MAX: variants seen among roughly 807,000 people sequenced by gnomAD.
The protein encoded by MAX is MYC associated transcriptional regulator X, also known as protein max.
Under a neutral mutation model 22.3 loss-of-function variants are expected in MAX, and 3 were observed. The observed-to-expected ratio is 0.13, with a 90% CI of 0.06 to 0.35. The LOEUF (loss-of-function observed/expected upper bound fraction) is 0.35. MAX is among the 10% of genes least tolerant of loss of function. The pLI is 1.00. For missense variants in MAX, 119 were observed against 209.4 expected, an observed-to-expected ratio of 0.57 and a Z score of 2.66; for synonymous variants, 72 against 77.7, an observed-to-expected ratio of 0.93 and a Z score of 0.39.
In MAX at chr14:65,027,924, CAGA is replaced by C; in HGVS notation, c.172-21643_172-21641del. On this transcript the variant is annotated intron_variant, in intron 3 of 3. Transcript: ENST00000341653. This position sits in a 1 kb window ranked among gnomAD's most constrained non-coding sequence, Gnocchi z 5.7. ...ATGGGATGACATGTCAGTGACACGTCAGAATCATTCAGATGTGATGCAGATGTC... is the reference window on the plus strand; with the variant it reads ...ATGGGATGACATGTCAGTGACACGTCATCATTCAGATGTGATGCAGATGTC... The C allele has an allele frequency of 5.0e-6, 5 of 1,003,436 alleles. No homozygotes were observed. Among genetic ancestry groups the C allele is most frequent in the Non-Finnish European group, 7.4e-6 (5 of 675,794 alleles). 62.2% of individuals were successfully genotyped at this position (1,003,436 alleles called of 1,614,324 possible).
At chr14:65,061,384 T>C in intron 3 of MAX, 2 of 1,596,486 alleles carry the variant, frequency 1.3e-6, no homozygotes, top group Non-Finnish European at 1.7e-6. Context: ...TTTCAATACA[T>C]ACTGCATTCT....
chr14:65,075,079 C>T (rs1459478090), downstream of MAX: 2 of 1,011,956 alleles, frequency 2.0e-6, no homozygotes, highest in Non-Finnish European at 2.4e-6. This position sits in a 1 kb window ranked among gnomAD's most constrained non-coding sequence, Gnocchi z 4.1. Context: ...AGGGGTCTCT[C>T]ATCAACCACC....
chr14:65,018,850 C>G (rs1395017312), intron 3 of MAX, among the ~76,000 whole-genome samples: 1 of 150,358 alleles, frequency 6.7e-6, no homozygotes, highest in Non-Finnish European at 1.5e-5. Context: ...GTGGCTCACA[C>G]CTGTAATCCC....
rs867817924 is a variant in MAX, at chr14:65,093,137, T to C, written c.171+571A>G. Reference sequence around the variant, plus strand: ...GAAGGGAGTGGGGAAGAATGGTTATTTTTTTTCTGTTTCACATGAACATGT... The same window carrying C: ...GAAGGGAGTGGGGAAGAATGGTTATCTTTTTTCTGTTTCACATGAACATGT... On this transcript the variant is annotated intron_variant, in intron 3 of 4. Coordinates refer to ENST00000358664, the MANE Select transcript of MAX (RefSeq NM_002382.5). The surrounding 1 kb of genome is among the most constrained non-coding windows in gnomAD (Gnocchi z 4.4). Among the ~76,000 whole-genome samples the C allele has an allele frequency of 7.7e-4, 117 of 152,340 alleles. No individual in the cohort carries two copies. Among genetic ancestry groups the C allele is most frequent in the African/African-American group, 2.7e-3 (114 of 41,576 alleles).
intron 3 of MAX, among the ~76,000 whole-genome samples, chr14:65,037,402 CCT>C (rs1468252356): frequency 0.016 from 235 of 14,536 alleles, 115 homozygotes; most frequent in South Asian, 0.03. Context: ...CACGCCGGGC[CCT>C]TTTTTTTTTT....
intron 3 of MAX, among the ~76,000 whole-genome samples, chr14:65,087,440 G>A (rs1272215114): frequency 2.0e-5 from 3 of 152,222 alleles, no homozygotes; most frequent in African/African-American, 7.2e-5. Context: ...AAGCCACAAG[G>A]GTAGAGCTAT....
rs746552214 is a variant in MAX, at chr14:65,079,178, T to G, written c.172-1142A>C. Among the ~76,000 whole-genome samples the G allele has an allele frequency of 2.0e-5, 3 of 152,216 alleles. No homozygotes were observed. The highest frequency in any genetic ancestry group is 4.4e-5 in the Non-Finnish European group (3 of 68,040). On this transcript the variant is annotated intron_variant, in intron 3 of 4. Coordinates refer to ENST00000358664, the MANE Select transcript of MAX (RefSeq NM_002382.5). The surrounding 1 kb of genome is among the most constrained non-coding windows in gnomAD (Gnocchi z 4.5). ...AATGTGTTTCATCAAGACCCAAGATTCCAGCCAAACTCTGAAACCACTGTT... is the reference window on the plus strand; with the variant it reads ...AATGTGTTTCATCAAGACCCAAGATGCCAGCCAAACTCTGAAACCACTGTT...
rs191859617 is a variant in MAX, at chr14:65,084,977, G to C, written c.172-6941C>G. ...TTTAGTCACATTAAATGGGGCAGGG[G>C]GGGTACGGAGAGTCTATTTTTGGAT... On this transcript the variant is annotated intron_variant, in intron 3 of 4. Transcript: ENST00000358664. This position sits in a 1 kb window ranked among gnomAD's most constrained non-coding sequence, Gnocchi z 4.3. Among the ~76,000 whole-genome samples, 4 of 152,096 alleles carry C rather than the reference G, an allele frequency of 2.6e-5. No homozygotes were observed. Among genetic ancestry groups the C allele is most frequent in the Non-Finnish European group, 4.4e-5 (3 of 68,026 alleles).
intron 3 of MAX, chr14:65,083,924 AC>A (rs1047876625): frequency 1.5e-6 from 2 of 1,315,342 alleles, no homozygotes; most frequent in African/African-American, 3.0e-5. Context: ...AAGAATATGC[AC>A]AATAAATTTG....
intron 3 of MAX, among the ~76,000 whole-genome samples, chr14:65,065,097 A>G (rs575505500): frequency 6.6e-6 from 1 of 151,716 alleles, no homozygotes; most frequent in South Asian, 2.1e-4. Flanking sequence ...CATGTGACCT[A>G]AAATAGTCTA....
intron 3 of MAX, among the ~76,000 whole-genome samples, chr14:65,066,992 A>G (rs928590115): frequency 8.6e-5 from 13 of 151,292 alleles, no homozygotes; most frequent in African/African-American, 2.9e-4. Flanking sequence ...CCTGAGCGAC[A>G]TAGCCACACT....
intron 3 of MAX, among the ~76,000 whole-genome samples, chr14:65,034,005 T>C (rs1459380181): frequency 6.6e-6 from 1 of 152,256 alleles, no homozygotes; most frequent in Non-Finnish European, 1.5e-5. Flanking sequence ...TACCAGATGA[T>C]ATGCTGAGAT....
chr14:65,032,518 C>G lies in MAX; in HGVS notation c.172-26234G>C. ...GAGGACAGGAGGTGATTACAGCTTA[C>G]TAGGCAAGGCGAGCAGTCCGCCCGC... On this transcript the variant is annotated intron_variant, in intron 3 of 3. Transcript: ENST00000341653. This position sits in a 1 kb window ranked among gnomAD's most constrained non-coding sequence, Gnocchi z 5.0. 7 of 1,412,116 alleles carry G rather than the reference C, an allele frequency of 5.0e-6. No homozygotes were observed. The highest frequency in any genetic ancestry group is 6.7e-6 in the Non-Finnish European group (7 of 1,042,330). The allele number at this position is 1,412,116 out of a possible 1,614,324, so 87.5% of individuals were successfully genotyped here.
chr14:65,027,371 A>C lies in MAX; in HGVS notation c.172-21087T>G. ...TTTGAGGGAGTGGGGGATCATTGGAAAGGCCTGGAATCTAGTGGGAATTTG... is the reference window on the plus strand; with the variant it reads ...TTTGAGGGAGTGGGGGATCATTGGACAGGCCTGGAATCTAGTGGGAATTTG... On this transcript the variant is annotated intron_variant, in intron 3 of 3. Transcript: ENST00000341653. This position sits in a 1 kb window ranked among gnomAD's most constrained non-coding sequence, Gnocchi z 5.7. 1.1e-5 allele frequency: 17 copies of C among 1,547,722 alleles called. No individual in the cohort carries two copies. The highest frequency in any genetic ancestry group is 1.3e-5 in the Non-Finnish European group (15 of 1,138,712).
chr14:65,049,673 G>T (rs1239867087), intron 3 of MAX, among the ~76,000 whole-genome samples: 1 of 152,062 alleles, frequency 6.6e-6, no homozygotes, highest in Non-Finnish European at 1.5e-5. Context: ...TTAGCCACAG[G>T]TTATCATTTA....
chr14:65,019,991 A>C (rs2061855816), intron 3 of MAX, among the ~76,000 whole-genome samples: 1 of 152,224 alleles, frequency 6.6e-6, no homozygotes, highest in Non-Finnish European at 1.5e-5. Context: ...AAATATATTA[A>C]GGTGACCTAG....
chr14:65,061,481 A>G, intron 3 of MAX: 6 of 1,207,556 alleles, frequency 5.0e-6, no homozygotes, highest in Non-Finnish European at 6.7e-6. Context: ...GGTTTGGAGA[A>G]CACAGTGGCT....
intron 3 of MAX, chr14:65,040,686 C>A: frequency 2.5e-6 from 3 of 1,217,772 alleles, no homozygotes; most frequent in Non-Finnish European, 3.2e-6. Context: ...TGATGGTTCA[C>A]ACCTTAATCT....
chr14:65,055,060 C>T (rs964959904), intron 3 of MAX, among the ~76,000 whole-genome samples: 2 of 152,250 alleles, frequency 1.3e-5, no homozygotes, highest in Non-Finnish European at 2.9e-5. Context: ...ACTGGCTGTA[C>T]AGCCTGCCGC....
Sources: gnomAD v4.1 joint callset for allele counts (sites outside exome capture counted in the v4.1 genomes callset) on GRCh38, gnomAD v4.1.1 for gene constraint, Gnocchi (gnomAD v3.1) non-coding constraint, MANE v1.5 for transcripts, NCBI Gene and HGNC (gene_info 2026-07-23, HGNC 2026-07-21) for gene names.